SIGIRR: variants seen among roughly 807,000 people sequenced by gnomAD.
SIGIRR encodes single Ig IL-1-related receptor.
SIGIRR carries 41 observed loss-of-function variants against 45.6 expected under a neutral mutation model. That is an observed-to-expected ratio of 0.90 (90% CI 0.70 to 1.17). SIGIRR has a LOEUF of 1.17. Ranked by LOEUF, SIGIRR falls within the 50% of genes most tolerant of loss-of-function variation. The pLI, the probability that SIGIRR is intolerant of heterozygous loss-of-function variation, is 0.00. For missense variants in SIGIRR, 599 were observed against 539.6 expected (o/e 1.11, Z -1.09); for synonymous variants, 298 against 239.0 (o/e 1.25, Z -2.28).
chr11:416,491 C>T (rs1221611895), upstream of SIGIRR, among the ~76,000 whole-genome samples: 1 of 152,186 alleles, frequency 6.6e-6, no homozygotes, highest in East Asian at 1.9e-4. This position sits in a 1 kb window ranked among gnomAD's most constrained non-coding sequence, Gnocchi z 9.1. Flanking sequence ...TCGCCTCGCA[C>T]TGCCCACCGC....
chr11:411,799 G>A (rs1248598199), intron 1 of SIGIRR, among the ~76,000 whole-genome samples: 2 of 11,718 alleles, frequency 1.7e-4, no homozygotes, highest in Non-Finnish European at 3.7e-4. Context: ...GGATGCAGTC[G>A]GGGGGTGCCC....
upstream of SIGIRR, among the ~76,000 whole-genome samples, chr11:415,347 G>A (rs2133659913): frequency 6.6e-6 from 1 of 151,890 alleles, no homozygotes; most frequent in East Asian, 1.9e-4. This position sits in a 1 kb window ranked among gnomAD's most constrained non-coding sequence, Gnocchi z 6.6. Context: ...TGCTCAAAGG[G>A]GCAGGTTCCA....
Position 409,936 on chromosome 11 carries a change from G to T in SIGIRR, c.-62C>A, listed in dbSNP as rs560445146. 8.4e-5 allele frequency: 106 copies of T among 1,265,550 alleles called. No homozygotes were observed. Among genetic ancestry groups the T allele is most frequent in the Non-Finnish European group, 1.0e-4 (100 of 999,866 alleles). 78.4% of individuals were successfully genotyped at this position (1,265,550 alleles called of 1,614,324 possible). On this transcript the variant is annotated 5_prime_UTR_variant, in exon 2 of 10. Transcript: ENST00000431843. ...TCCAGGGTCACCCCTGGCTCCACCG[G>T]GCTCCTCGGCCAGCAGACTGATCCA...
upstream of SIGIRR, among the ~76,000 whole-genome samples, chr11:416,296 T>C (rs899548939): frequency 6.6e-6 from 1 of 151,814 alleles, no homozygotes; most frequent in Non-Finnish European, 1.5e-5. The surrounding 1 kb of genome is among the most constrained non-coding windows in gnomAD (Gnocchi z 9.1). Context: ...GTGCACCCGG[T>C]CTCAGCGTCA....
chr11:413,466 G>A (rs1420246689), intron 1 of SIGIRR, among the ~76,000 whole-genome samples: 5 of 151,898 alleles, frequency 3.3e-5, no homozygotes, highest in South Asian at 2.1e-4. Context: ...AGGTCACACC[G>A]CCAGCCCAGC....
Position 407,612 on chromosome 11 carries a change from C to A in SIGIRR, c.482-44G>T, listed in dbSNP as rs772864819. 6.3e-6 allele frequency: 10 copies of A among 1,592,654 alleles called. No homozygotes were observed. In the East Asian group the frequency reaches 2.0e-4, roughly 33 times the overall value. The stretch of plus-strand genomic sequence containing the variant: ...CACCCCGATGGCTCCCGAGGCCTCA[C>A]ACCAGCCCTCGGGGTCCCCAACACC... On this transcript the variant is annotated intron_variant, in intron 5 of 9. Coordinates refer to ENST00000431843, the MANE Select transcript of SIGIRR (RefSeq NM_001135054.2).
chr11:412,973 G>T (rs1203163067), intron 1 of SIGIRR, among the ~76,000 whole-genome samples: 2 of 152,162 alleles, frequency 1.3e-5, no homozygotes, highest in Non-Finnish European at 2.9e-5. Context: ...GGTGGCTGCA[G>T]GGAGAAGCCC....
At chr11:416,920 G>T (rs562352980), upstream of SIGIRR, among the ~76,000 whole-genome samples, 9 of 152,272 alleles carry the variant, frequency 5.9e-5, no homozygotes, top group East Asian at 1.7e-3. This position sits in a 1 kb window ranked among gnomAD's most constrained non-coding sequence, Gnocchi z 9.1. Context: ...GCGAGCTCGG[G>T]CCCCAGCCTG....
chr11:415,207 C>CGTGT (rs71022908), upstream of SIGIRR, among the ~76,000 whole-genome samples: 6,367 of 144,290 alleles, frequency 0.044, 163 homozygotes, highest in Non-Finnish European at 0.063. This position sits in a 1 kb window ranked among gnomAD's most constrained non-coding sequence, Gnocchi z 6.6. Flanking sequence ...CTCTGTGCAG[C>CGTGT]GTGTGTGTGT....
Position 407,447 on chromosome 11 carries a change from G to A in SIGIRR, c.603C>T (p.Asp201=). 1.9e-6 allele frequency: 3 copies of A among 1,554,888 alleles called. No individual in the cohort carries two copies. Among genetic ancestry groups the A allele is most frequent in the South Asian group, 2.4e-5 (2 of 84,810 alleles). The stretch of plus-strand genomic sequence containing the variant: ...TACCAGCGCGCGGCAGGAGGTCGCG[G>A]TCGTCCAGGAAGAGCTTGTAGCCCC... ...RRRGYKLFLD[D]RDLLPRAEPS... is the part of the protein sequence containing the mutation. The change falls in exon 6 of 10, where the codon GAC becomes GAT. Residue 201 remains aspartate (D), a synonymous_variant. Coordinates refer to ENST00000431843, the MANE Select transcript of SIGIRR (RefSeq NM_001135054.2).
chr11:407,472 C>G lies in SIGIRR; in HGVS notation c.578G>C (p.Arg193Pro), dbSNP rs762785896. The change falls in exon 6 of 10, where the codon CGG becomes CCG. Residue 193 changes from arginine (R) to proline (P), a missense_variant. Coordinates refer to ENST00000431843, the MANE Select transcript of SIGIRR (RefSeq NM_001135054.2). ...GTCGTCCAGGAAGAGCTTGTAGCCCCGACGCCGCTCCAGCTGCGGCTTTAG... is the reference window on the plus strand; with the variant it reads ...GTCGTCCAGGAAGAGCTTGTAGCCCGGACGCCGCTCCAGCTGCGGCTTTAG... Reference protein sequence around the residue: ...FILKPQLERRRGYKLFLDDRD... With the variant: ...FILKPQLERRPGYKLFLDDRD... 3.8e-6 allele frequency: 6 copies of G among 1,573,646 alleles called. No individual in the cohort carries two copies. The highest frequency in any genetic ancestry group is 2.7e-5 in the African/African-American group (2 of 73,714).
chr11:409,770 G>A (rs886071253), intron 2 of SIGIRR, 98 bp downstream of exon 2: 2 of 1,272,552 alleles, frequency 1.6e-6, no homozygotes, highest in East Asian at 3.1e-5. Flanking sequence ...GCCAGGCAGA[G>A]TGCCTGGGAT....
At chr11:406,622 T>G in intron 8 of SIGIRR, 84 bp from the exon 9 acceptor site, 1 of 1,483,496 alleles carries the variant, frequency 6.7e-7, no homozygotes, top group Non-Finnish European at 8.9e-7. Context: ...CACCTGCGGC[T>G]GCCCACGGGT....
At chr11:415,294 T>C (rs1156473606), upstream of SIGIRR, among the ~76,000 whole-genome samples, 1 of 150,158 alleles carries the variant, frequency 6.7e-6, no homozygotes, top group Admixed American at 6.6e-5. This position sits in a 1 kb window ranked among gnomAD's most constrained non-coding sequence, Gnocchi z 6.6. Context: ...TATGTGCGTG[T>C]GCGTGCGTTT....
chr11:409,569 G>C, intron 2 of SIGIRR: 1 of 409,264 alleles, frequency 2.4e-6, no homozygotes, highest in Non-Finnish European at 4.3e-6. Flanking sequence ...TCTCCTGCCA[G>C]CTCACATCGG....
At chr11:413,113 G>T (rs1847746541) in intron 1 of SIGIRR, among the ~76,000 whole-genome samples, 1 of 152,124 alleles carries the variant, frequency 6.6e-6, no homozygotes, top group African/African-American at 2.4e-5. Flanking sequence ...GTGGAAGTGG[G>T]GATGTGGGGA....
At chr11:407,373 G>A (rs1380107916) in intron 6 of SIGIRR, 52 bp downstream of exon 6, 1 of 1,463,562 alleles carries the variant, frequency 6.8e-7, no homozygotes, top group Non-Finnish European at 9.1e-7. Context: ...GCATGGGGCG[G>A]GGCGGGGCGG....
At position 408,352 on chromosome 11, in the gene SIGIRR, C is replaced by A. The variant is rs7396562; in HGVS notation, c.207-146G>T. 0.2 allele frequency: 212,312 copies of A among 1,080,226 alleles called. 26,750 individuals carry two copies. Among genetic ancestry groups the A allele is most frequent in the East Asian group, 0.63 (25,085 of 39,990 alleles). The allele number at this position is 1,080,226 out of a possible 1,614,324, so 66.9% of individuals were successfully genotyped here. ...CTTAAGCCAAGAGAAGTGACCTGAACCTGGAGGGGATGCAGATTTGTTTCA... is the reference window on the plus strand; with the variant it reads ...CTTAAGCCAAGAGAAGTGACCTGAAACTGGAGGGGATGCAGATTTGTTTCA... On this transcript the variant is annotated intron_variant, in intron 3 of 9. Transcript: ENST00000431843.
At chr11:408,246 C>A (rs1847443100) in intron 3 of SIGIRR, 40 bp from the exon 4 acceptor site, 1 of 1,605,516 alleles carries the variant, frequency 6.2e-7, no homozygotes, top group Non-Finnish European at 8.5e-7. Context: ...ACTGGGGATA[C>A]CAGTGGACAC....
Sources: allele counts gnomAD v4.1 joint callset (sites outside exome capture counted in the v4.1 genomes callset), GRCh38; gene constraint gnomAD v4.1.1; non-coding constraint Gnocchi (gnomAD v3.1); transcripts MANE v1.5; gene names NCBI Gene and HGNC (gene_info 2026-07-23, HGNC 2026-07-21).